Variants in NFIB observed in about 807,000 individuals in gnomAD.
NFIB encodes nuclear factor 1 B-type.
Under a neutral mutation model 61.5 loss-of-function variants are expected in NFIB, and 11 were observed. That is an observed-to-expected ratio of 0.18 (90% CI 0.11 to 0.30). The LOEUF (loss-of-function observed/expected upper bound fraction) is 0.30, where lower values mean the gene tolerates loss of function less well. Among genes scored for constraint, NFIB ranks in the 10% least tolerant of loss-of-function variants. The probability of loss-of-function intolerance (pLI) is 1.00; values close to 1 mark genes in which losing one functional copy is unlikely to be tolerated. For missense variants in NFIB, 471 were observed against 608.9 expected (o/e 0.77, Z 2.38); for synonymous variants, 260 against 216.5 (o/e 1.20, Z -1.76).
At chr9:14,280,772 G>A (rs377066456) in intron 2 of NFIB, among the ~76,000 whole-genome samples, 36 of 152,180 alleles carry the variant, frequency 2.4e-4, no homozygotes, top group African/African-American at 7.5e-4. Flanking sequence ...ACTATTTTAC[G>A]AGTAGTAAAA....
intron 1 of NFIB, among the ~76,000 whole-genome samples, chr9:14,330,637 G>C (rs2060809383): frequency 6.6e-6 from 1 of 152,172 alleles, no homozygotes; most frequent in Admixed American, 6.5e-5. Context: ...ATCCTGTGTA[G>C]TTTGTACTTG....
At chr9:14,420,252 G>A in the NFIB span, among the ~76,000 whole-genome samples, 2 of 151,888 alleles carry the variant, frequency 1.3e-5, no homozygotes, top group Admixed American at 6.6e-5. Flanking sequence ...TTTGAGACCA[G>A]CCTGGCCAAT....
chr9:14,145,488 T>G (rs7031735), intron 6 of NFIB, among the ~76,000 whole-genome samples: 39,365 of 151,816 alleles, frequency 0.26, 6,080 homozygotes, highest in African/African-American at 0.42. Flanking sequence ...TATAAAAAAT[T>G]TGAGCAGCAA....
chr9:14,515,264 G>A, the NFIB span, among the ~76,000 whole-genome samples: 2,002 of 152,202 alleles, frequency 0.013, 49 homozygotes, highest in African/African-American at 0.045. Context: ...TGGAGGAAGT[G>A]GGTTGCAAAG....
At chr9:14,161,502 C>CATATATAT (rs980660146) in intron 3 of NFIB, among the ~76,000 whole-genome samples, 2 of 149,662 alleles carry the variant, frequency 1.3e-5, no homozygotes, top group Admixed American at 6.7e-5. Flanking sequence ...ACTTTTTCCG[C>CATATATAT]ATATATATAT....
At chr9:14,350,995 T>C (rs2061103613) in intron 1 of NFIB, among the ~76,000 whole-genome samples, 1 of 152,194 alleles carries the variant, frequency 6.6e-6, no homozygotes, top group African/African-American at 2.4e-5. Context: ...GGCCAAGCTT[T>C]GGCAAAGGAG....
chr9:14,277,370 T>C (rs1417862433), intron 2 of NFIB, among the ~76,000 whole-genome samples: 3 of 124,558 alleles, frequency 2.4e-5, no homozygotes, highest in Non-Finnish European at 5.3e-5. Flanking sequence ...CACACACACA[T>C]TTTTGAATCA....
rs895534469 is a variant in NFIB at position 14,183,315 on chromosome 9, T to C, written c.563-3535A>G. Among the ~76,000 whole-genome samples the C allele has an allele frequency of 3.4e-4, 51 of 152,162 alleles. 1 individual carries two copies. Among genetic ancestry groups the C allele is most frequent in the Admixed American group, 1.7e-3 (26 of 15,274 alleles). On this transcript the variant is annotated intron_variant, in intron 2 of 10. Transcript: ENST00000380953. Reference sequence around the variant, plus strand: ...TAGATACCAGCCAGTTGATGAAAATTACCTTCCAGAAGGCTGAAGTCTTTG... The same window carrying C: ...TAGATACCAGCCAGTTGATGAAAATCACCTTCCAGAAGGCTGAAGTCTTTG...
rs563988862 is a variant in NFIB, at chr9:14,323,371, A to G, written c.109-15851T>C. On this transcript the variant is annotated intron_variant, in intron 1 of 8. Transcript: ENST00000380934. ...TTTGGAAACAAATATATGTAGGGGGATTTTTTTTTTCTTAGTTTTTGAGTA... is the reference window on the plus strand; with the variant it reads ...TTTGGAAACAAATATATGTAGGGGGGTTTTTTTTTTCTTAGTTTTTGAGTA... Among the ~76,000 whole-genome samples the G allele has an allele frequency of 4.0e-5, 6 of 150,750 alleles. No individual in the cohort carries two copies. In the East Asian group the frequency reaches 9.7e-4, roughly 24 times the overall value.
At chr9:14,143,380 G>T (rs1233096307) in intron 6 of NFIB, among the ~76,000 whole-genome samples, 1 of 151,756 alleles carries the variant, frequency 6.6e-6, no homozygotes, top group Non-Finnish European at 1.5e-5. Context: ...TGCCTACTCA[G>T]AATAAATCTC....
intron 2 of NFIB, among the ~76,000 whole-genome samples, chr9:14,244,785 T>A (rs1355331744): frequency 1.3e-5 from 2 of 152,142 alleles, no homozygotes; most frequent in Non-Finnish European, 2.9e-5. Flanking sequence ...CAATAAGTAC[T>A]AAAAAAATAG....
At chr9:14,466,799 G>C in the NFIB span, among the ~76,000 whole-genome samples, 14 of 152,182 alleles carry the variant, frequency 9.2e-5, no homozygotes, top group Non-Finnish European at 1.6e-4. Flanking sequence ...TGGGGCTGAG[G>C]AGACTGGAGA....
the NFIB span, among the ~76,000 whole-genome samples, chr9:14,494,245 G>A: frequency 3.3e-5 from 5 of 152,172 alleles, no homozygotes; most frequent in Admixed American, 1.3e-4. Flanking sequence ...CATGTAAGGA[G>A]TTTGTATCCA....
At chr9:14,244,091 A>T (rs1360355948) in intron 2 of NFIB, among the ~76,000 whole-genome samples, 1 of 152,212 alleles carries the variant, frequency 6.6e-6, no homozygotes, top group Non-Finnish European at 1.5e-5. Flanking sequence ...AAACACATCC[A>T]TAAGGGTGTA....
At chr9:14,473,655 G>A in the NFIB span, among the ~76,000 whole-genome samples, 1 of 152,136 alleles carries the variant, frequency 6.6e-6, no homozygotes, top group African/African-American at 2.4e-5. Flanking sequence ...CCCACTCTGT[G>A]CTGATAATCC....
At chr9:14,509,811 G>T in the NFIB span, among the ~76,000 whole-genome samples, 2 of 152,202 alleles carry the variant, frequency 1.3e-5, no homozygotes, top group Admixed American at 1.3e-4. Context: ...TTAAAAACTA[G>T]CAGGTGTGGT....
In NFIB at chr9:14,088,122, G is replaced by A; in HGVS notation, c.*187C>T. On this transcript the variant is annotated 3_prime_UTR_variant, in exon 11 of 11. Coordinates refer to ENST00000380953, the MANE Select transcript of NFIB (RefSeq NM_001190737.2). ...TTCCTTTCTGCCTTTGTGTTGTTTTGTCCAGTCTTCCTCTTTTCCTTTTTT... is the reference window on the plus strand; with the variant it reads ...TTCCTTTCTGCCTTTGTGTTGTTTTATCCAGTCTTCCTCTTTTCCTTTTTT... The A allele has an allele frequency of 2.3e-6, 3 of 1,284,380 alleles. No homozygotes were observed. In the South Asian group the frequency reaches 6.1e-5, roughly 26 times the overall value. The allele number at this position is 1,284,380 out of a possible 1,614,324, so 79.6% of individuals were successfully genotyped here.
chr9:14,311,920 T>C (rs1213284996), intron 1 of NFIB, among the ~76,000 whole-genome samples: 1 of 152,186 alleles, frequency 6.6e-6, no homozygotes, highest in Non-Finnish European at 1.5e-5. Flanking sequence ...ATCCAGCCGA[T>C]GGGTAATATT....
the NFIB span, among the ~76,000 whole-genome samples, chr9:14,439,810 C>T: frequency 3.3e-5 from 5 of 152,172 alleles, no homozygotes; most frequent in African/African-American, 1.2e-4. Context: ...AGTAGAGAGG[C>T]AAAAACACGG....
Sources: gnomAD v4.1 joint callset for allele counts (sites outside exome capture counted in the v4.1 genomes callset) on GRCh38, gnomAD v4.1.1 for gene constraint, MANE v1.5 for transcripts, NCBI Gene and HGNC (gene_info 2026-07-23, HGNC 2026-07-21) for gene names.